The following LTV1 variants were observed in gnomAD, a reference collection of about 807,000 sequenced individuals.
The protein encoded by LTV1 is protein LTV1 homolog.
In LTV1, 39 loss-of-function variants were observed where a neutral mutation model predicts 59.9. The observed-to-expected ratio is 0.65, with a 90% CI of 0.50 to 0.85. The LOEUF (loss-of-function observed/expected upper bound fraction) is 0.85, where lower values mean the gene tolerates loss of function less well. Among genes scored for constraint, LTV1 ranks in the 40% least tolerant of loss-of-function variants. The pLI is 0.00. For synonymous variants in LTV1, 171 were observed against 189.5 expected, an observed-to-expected ratio of 0.90 and a Z score of 0.80; for missense variants, 493 against 549.1, an observed-to-expected ratio of 0.90 and a Z score of 1.02.
Position 143,863,693 on chromosome 6 carries a change from C to A in LTV1, c.*166C>A. 2 of 476,474 alleles carry A rather than the reference C, an allele frequency of 4.2e-6. No individual in the cohort carries two copies. The highest frequency in any genetic ancestry group is 5.5e-5 in the South Asian group (1 of 18,254). 29.5% of individuals were successfully genotyped at this position (476,474 alleles called of 1,614,324 possible). A position where few individuals can be genotyped will look rare whatever the true frequency, so the allele number is the denominator to read the frequency against. On this transcript the variant is annotated 3_prime_UTR_variant, in exon 11 of 11. Coordinates refer to ENST00000367576, the MANE Select transcript of LTV1 (RefSeq NM_032860.5). The surrounding 1 kb of genome is among the most constrained non-coding windows in gnomAD (Gnocchi z 4.5). ...CTAGTAAGTGTCCCCTGCCAACCAT[C>A]TTGTAAATATTGTAATACTTTAATT...
chr6:143,859,548 G>A (rs1777129160), intron 6 of LTV1, among the ~76,000 whole-genome samples: 1 of 152,164 alleles, frequency 6.6e-6, no homozygotes, highest in African/African-American at 2.4e-5. Context: ...TGCCATCCAG[G>A]TGAATCTAAA....
rs894276371 is a variant in LTV1 at position 143,857,602 on chromosome 6, C to G, written c.540-150C>G. 8.3e-6 allele frequency: 9 copies of G among 1,089,616 alleles called. No homozygotes were observed. The African/African-American group carries it at 1.3e-4, about 15-fold the overall frequency. The allele number at this position is 1,089,616 out of a possible 1,614,324, so 67.5% of individuals were successfully genotyped here. A position where few individuals can be genotyped will look rare whatever the true frequency, so the allele number is the denominator to read the frequency against. On this transcript the variant is annotated intron_variant, in intron 5 of 10. Coordinates refer to ENST00000367576, the MANE Select transcript of LTV1 (RefSeq NM_032860.5). This position sits in a 1 kb window ranked among gnomAD's most constrained non-coding sequence, Gnocchi z 5.2. ...AGAAAATGTGAGATTCATTGCTTTT[C>G]CTACCAAACCAGATTGATCAAACAC...
At position 143,862,585 on chromosome 6, in the gene LTV1, TA is replaced by T. The variant is rs1312162190; in HGVS notation, c.1064-250del. On this transcript the variant is annotated intron_variant, in intron 8 of 10. Transcript: ENST00000367576. This position sits in a 1 kb window ranked among gnomAD's most constrained non-coding sequence, Gnocchi z 4.2. ...TGGGCAACAAGAGCAAAACTCTGTC[TA>T]AAAAAAAACATATATCAACTTTGAA... 1.3e-5 allele frequency among the ~76,000 whole-genome samples: 2 copies of T among 151,180 alleles called. No homozygotes were observed. The highest frequency in any genetic ancestry group is 2.1e-4 in the South Asian group (1 of 4,774).
At chr6:143,848,116 T>C (rs936224568) in intron 3 of LTV1, among the ~76,000 whole-genome samples, 5 of 152,216 alleles carry the variant, frequency 3.3e-5, no homozygotes, top group Non-Finnish European at 7.3e-5. Context: ...CTCTTAATCG[T>C]GTATGTGATT....
chr6:143,859,011 C>A (rs1777122011), intron 6 of LTV1, among the ~76,000 whole-genome samples: 1 of 151,882 alleles, frequency 6.6e-6, no homozygotes, highest in Non-Finnish European at 1.5e-5. Flanking sequence ...ATCAAACGTT[C>A]TTATTTTCCC....
At chr6:143,848,498 G>C (rs748263985) in intron 3 of LTV1, among the ~76,000 whole-genome samples, 2 of 152,168 alleles carry the variant, frequency 1.3e-5, no homozygotes, top group Non-Finnish European at 2.9e-5. Flanking sequence ...GCTCCTCAGA[G>C]GCTTCCAATT....
rs748759320 is a variant in LTV1 at position 143,862,115 on chromosome 6, T to G, written c.935T>G (p.Leu312Trp). The G allele has an allele frequency of 2.5e-6, 4 of 1,611,768 alleles. No individual in the cohort carries two copies. The highest frequency in any genetic ancestry group is 3.4e-6 in the Non-Finnish European group (4 of 1,179,310). The change falls in exon 8 of 11, where the codon TTG (leucine) becomes TGG (tryptophan). Residue 312 changes from leucine to tryptophan, a missense_variant. Physicochemically the swap from Leu to Trp is moderately conservative, Grantham distance 61. Transcript: ENST00000367576. The surrounding 1 kb of genome is among the most constrained non-coding windows in gnomAD (Gnocchi z 4.2). ...YKEKAENCVK[L>W]NTLEPLEDQD... ...AACTCGTCTAAAAGTTGTGTAAAAT[T>G]GAATACCCTTGAACCCTTGGAGGAT...
chr6:143,859,975 T>C (rs1380610369), intron 6 of LTV1, among the ~76,000 whole-genome samples: 2 of 152,126 alleles, frequency 1.3e-5, no homozygotes, highest in East Asian at 3.9e-4. Flanking sequence ...TGGTGGCATG[T>C]GCCTGTGGTC....
At chr6:143,852,060 A>G (rs183567992) in intron 4 of LTV1, among the ~76,000 whole-genome samples, 11 of 152,322 alleles carry the variant, frequency 7.2e-5, no homozygotes, top group Admixed American at 1.3e-4. Context: ...TTATAGTAGA[A>G]TGATTTATTA....
Position 143,857,513 on chromosome 6 carries a change from T to C in LTV1, c.539+69T>C. 1.4e-6 allele frequency: 2 copies of C among 1,405,394 alleles called. No individual in the cohort carries two copies. Among genetic ancestry groups the C allele is most frequent in the Admixed American group, 1.8e-5 (1 of 56,134 alleles). The allele number at this position is 1,405,394 out of a possible 1,614,324, so 87.1% of individuals were successfully genotyped here. A position where few individuals can be genotyped will look rare whatever the true frequency, so the allele number is the denominator to read the frequency against. ...TACTGCTTCAGTGGGATGGTAACCA[T>C]AGAACGTTACAGTTGGAAGAGACCT... On this transcript the variant is annotated intron_variant, in intron 5 of 10. Coordinates refer to ENST00000367576, the MANE Select transcript of LTV1 (RefSeq NM_032860.5). The surrounding 1 kb of genome is among the most constrained non-coding windows in gnomAD (Gnocchi z 5.2).
rs1373386786 is a variant in LTV1, at chr6:143,846,194, A to G, written c.279A>G (p.Arg93=). 6.2e-7 allele frequency: 1 copy of G among 1,611,636 alleles called. No individual in the cohort carries two copies. The highest frequency in any genetic ancestry group is 2.2e-5 in the East Asian group (1 of 44,848). Residue 93 remains arginine (R), a synonymous_variant, in exon 3 of 11, where the codon AGA becomes AGG. Transcript: ENST00000367576. ...PSSTFSAHNR[R]EEKEETLVIP... ...GTACCTTCAGTGCACACAACAGGAGAGAGGAGAAAGAAGAAACGCTAGTAA... is the reference window on the plus strand; with the variant it reads ...GTACCTTCAGTGCACACAACAGGAGGGAGGAGAAAGAAGAAACGCTAGTAA...
intron 4 of LTV1, among the ~76,000 whole-genome samples, chr6:143,854,509 G>A (rs1777042129): frequency 6.6e-6 from 1 of 151,998 alleles, no homozygotes; most frequent in Non-Finnish European, 1.5e-5. Flanking sequence ...GTTTGCTCTT[G>A]TTTCTCTACT....
chr6:143,850,454 T>C (rs1226390896), intron 4 of LTV1, among the ~76,000 whole-genome samples: 1 of 152,238 alleles, frequency 6.6e-6, no homozygotes, highest in Non-Finnish European at 1.5e-5. Flanking sequence ...GAAACTATTC[T>C]TGGTAATCTA....
chr6:143,854,182 G>A lies in LTV1; in HGVS notation c.398-3121G>A, dbSNP rs559460163. Among the ~76,000 whole-genome samples the A allele has an allele frequency of 2.0e-5, 3 of 152,296 alleles. No homozygotes were observed. In the South Asian group the frequency reaches 6.2e-4, roughly 32 times the overall value. ...TTCCTCCTGATTTAGCCTTGGGAGG[G>A]TGTATGTGTCCAGGAATTTATCCAT... On this transcript the variant is annotated intron_variant, in intron 4 of 10. Transcript: ENST00000367576.
rs1400939172 is a variant in LTV1, at chr6:143,863,473, G to A, written c.1374G>A (p.Arg458=). 1.9e-6 allele frequency: 3 copies of A among 1,613,826 alleles called. 1 individual carries two copies. The highest frequency in any genetic ancestry group is 2.2e-5 in the South Asian group (2 of 91,064). ...NKLAFKLEKR[R]QEKELLNLKK... is the part of the protein sequence containing the mutation. ...TAGCATTTAAACTGGAGAAAAGAAGGCAAGAAAAAGAGCTGCTGAACTTGA... is the reference window on the plus strand; with the variant it reads ...TAGCATTTAAACTGGAGAAAAGAAGACAAGAAAAAGAGCTGCTGAACTTGA... Residue 458 remains arginine, a synonymous_variant, in exon 11 of 11, where the codon AGG becomes AGA. Transcript: ENST00000367576. The surrounding 1 kb of genome is among the most constrained non-coding windows in gnomAD (Gnocchi z 4.5).
At chr6:143,861,902 G>A (rs945261970) in intron 7 of LTV1, among the ~76,000 whole-genome samples, 6 of 152,168 alleles carry the variant, frequency 3.9e-5, no homozygotes, top group Admixed American at 6.5e-5. Context: ...TATCAGCCGA[G>A]TGAATGTCCA....
In LTV1 at chr6:143,862,984, GGCT is replaced by G; in HGVS notation, c.1116+89_1116+91del. On this transcript the variant is annotated intron_variant, in intron 9 of 10. Coordinates refer to ENST00000367576, the MANE Select transcript of LTV1 (RefSeq NM_032860.5). This position sits in a 1 kb window ranked among gnomAD's most constrained non-coding sequence, Gnocchi z 4.2. ...TCGCACAATAACTTTTTATCTTTAT[GGCT>G]AGAGTGATATTAGAAAAAGCATCAA... 4.8e-6 allele frequency: 7 copies of G among 1,445,796 alleles called. No individual in the cohort carries two copies. Among genetic ancestry groups the G allele is most frequent in the Non-Finnish European group, 5.8e-6 (6 of 1,029,266 alleles). The allele number at this position is 1,445,796 out of a possible 1,614,324, so 89.6% of individuals were successfully genotyped here.
In LTV1 at chr6:143,844,570, G is replaced by T; in HGVS notation, c.88G>T (p.Ala30Ser). 6.2e-7 allele frequency: 1 copy of T among 1,614,072 alleles called. No homozygotes were observed. Among genetic ancestry groups the T allele is most frequent in the South Asian group, 1.1e-5 (1 of 91,076 alleles). Reference sequence around the variant, plus strand: ...CCACCGGAGCCAACGAGATCCTTTAGCAGCAGATGAGAGTGCACCCCAGAG... The same window carrying T: ...CCACCGGAGCCAACGAGATCCTTTATCAGCAGATGAGAGTGCACCCCAGAG... ...LVHRSQRDPL[A>S]ADESAPQRVL... Residue 30 changes from alanine to serine, a missense_variant, in exon 2 of 11, where the codon GCA becomes TCA. Ala to Ser is a moderately conservative substitution (Grantham distance 99). Transcript: ENST00000367576.
chr6:143,847,023 T>C (rs114648907), intron 3 of LTV1, among the ~76,000 whole-genome samples: 239 of 152,338 alleles, frequency 1.6e-3, no homozygotes, highest in African/African-American at 5.2e-3. Flanking sequence ...GTAGTTCTTA[T>C]AGGCAATAGC....
Sources: gnomAD v4.1 joint callset for allele counts (sites outside exome capture counted in the v4.1 genomes callset) on GRCh38, gnomAD v4.1.1 for gene constraint, Gnocchi (gnomAD v3.1) non-coding constraint, MANE v1.5 for transcripts, NCBI Gene and HGNC (gene_info 2026-07-23, HGNC 2026-07-21) for gene names.